SCARA3: variants seen among roughly 807,000 people sequenced by gnomAD.
The protein encoded by SCARA3 is scavenger receptor class A member 3.
Under a neutral mutation model 47.0 loss-of-function variants are expected in SCARA3, and 39 were observed. The observed-to-expected ratio is 0.83, with a 90% CI of 0.64 to 1.08. SCARA3 has a LOEUF of 1.08. Among genes scored for constraint, SCARA3 ranks in the 50% least tolerant of loss-of-function variants. The pLI is 0.00. For synonymous variants in SCARA3, 356 were observed against 334.1 expected (o/e 1.07, Z -0.71); for missense variants, 724 against 792.3 (o/e 0.91, Z 1.04).
intron 5 of SCARA3, 35 bp from the exon 6 acceptor site, chr8:27,670,865 C>G (rs200508329): frequency 1.5e-5 from 22 of 1,500,208 alleles, no homozygotes; most frequent in Admixed American, 4.7e-5. Context: ...GAGCCCCTGA[C>G]AGACTGACCT....
At chr8:27,657,415 G>T (rs1363433105) in intron 4 of SCARA3, among the ~76,000 whole-genome samples, 1 of 147,920 alleles carries the variant, frequency 6.8e-6, no homozygotes. Context: ...AAATGATCCT[G>T]TCACCCAGGT....
intron 3 of SCARA3, 121 bp from the exon 4 acceptor site, chr8:27,656,661 G>C: frequency 1.5e-6 from 1 of 685,060 alleles, no homozygotes; most frequent in Non-Finnish European, 2.6e-6. Flanking sequence ...GAAGAAGCCT[G>C]AGAGAAGAAG....
the SCARA3 span, among the ~76,000 whole-genome samples, chr8:27,716,269 C>T: frequency 0.014 from 2,088 of 152,084 alleles, 27 homozygotes; most frequent in Non-Finnish European, 0.019. Context: ...GCTGTGATTT[C>T]GCCATTGTAC....
At chr8:27,673,438 A>T (rs1057198902), downstream of SCARA3, among the ~76,000 whole-genome samples, 1 of 152,256 alleles carries the variant, frequency 6.6e-6, no homozygotes, top group African/African-American at 2.4e-5. Flanking sequence ...TCTGCGGATT[A>T]CGGAAGAGGA....
At chr8:27,648,009 C>T (rs952101125) in intron 1 of SCARA3, among the ~76,000 whole-genome samples, 1 of 152,166 alleles carries the variant, frequency 6.6e-6, no homozygotes, top group Admixed American at 6.5e-5. Flanking sequence ...CCCGAGGCTC[C>T]GCAGCTCATT....
the SCARA3 span, among the ~76,000 whole-genome samples, chr8:27,698,251 C>A: frequency 1.4e-5 from 2 of 146,446 alleles, no homozygotes; most frequent in Non-Finnish European, 1.5e-5. Context: ...TAAATTAGAA[C>A]GTAAATATTA....
At chr8:27,660,618 T>TGATGATA (rs1801880870) in intron 5 of SCARA3, among the ~76,000 whole-genome samples, 1 of 130,992 alleles carries the variant, frequency 7.6e-6, no homozygotes, top group Non-Finnish European at 1.7e-5. Flanking sequence ...TAGAGATAGA[T>TGATGATA]GATAGATAGA....
At chr8:27,694,026 A>G in the SCARA3 span, among the ~76,000 whole-genome samples, 1 of 152,210 alleles carries the variant, frequency 6.6e-6, no homozygotes, top group Non-Finnish European at 1.5e-5. Flanking sequence ...TCCTGAGGCT[A>G]TGTCACAGGT....
chr8:27,682,440 T>C, the SCARA3 span, among the ~76,000 whole-genome samples: 1 of 152,176 alleles, frequency 6.6e-6, no homozygotes, highest in Non-Finnish European at 1.5e-5. Context: ...AAAATCTGCT[T>C]ATTAATAGGT....
At chr8:27,666,069 C>T (rs149935030) in intron 5 of SCARA3, among the ~76,000 whole-genome samples, 6 of 152,304 alleles carry the variant, frequency 3.9e-5, no homozygotes, top group Non-Finnish European at 7.4e-5. Context: ...CTGTGAAGGA[C>T]GAAAAAGCAG....
rs35525002 is a variant in SCARA3 at position 27,672,542 on chromosome 8, C to T, written c.*1191C>T. ...CCGCACACGGCTCTCCTGATCACAG[C>T]TGCATGCCGACCTTGTCCCACCGGG... On this transcript the variant is annotated 3_prime_UTR_variant, in exon 6 of 6. Transcript: ENST00000301904. 663 of 985,788 alleles carry T rather than the reference C, an allele frequency of 6.7e-4. 9 individuals are homozygous for T. In the East Asian group the frequency reaches 0.023, roughly 34 times the overall value. The allele number at this position is 985,788 out of a possible 1,614,324, so 61.1% of individuals were successfully genotyped here.
intron 5 of SCARA3, among the ~76,000 whole-genome samples, chr8:27,667,050 C>T (rs548860525): frequency 3.5e-4 from 54 of 152,350 alleles, no homozygotes; most frequent in Middle Eastern, 3.4e-3. Context: ...GAAGTGCCTT[C>T]CCTCAGCTCA....
intron 5 of SCARA3, among the ~76,000 whole-genome samples, chr8:27,665,999 T>C (rs1237608849): frequency 6.6e-6 from 1 of 152,188 alleles, no homozygotes; most frequent in Non-Finnish European, 1.5e-5. Context: ...TCTGCAAATG[T>C]GTTGTTCTAT....
chr8:27,649,631 C>T, intron 1 of SCARA3, 71 bp from the exon 2 acceptor site: 5 of 1,403,118 alleles, frequency 3.6e-6, no homozygotes, highest in Non-Finnish European at 5.0e-6. Context: ...GATATGGGGA[C>T]AGGTAAATAA....
At chr8:27,721,675 AC>A in the SCARA3 span, among the ~76,000 whole-genome samples, 10 of 152,114 alleles carry the variant, frequency 6.6e-5, no homozygotes, top group African/African-American at 2.2e-4. Flanking sequence ...CCTGGAACTC[AC>A]CCTTAACTTA....
Position 27,651,539 on chromosome 8 carries a change from G to A in SCARA3, c.138G>A (p.Gln46=), listed in dbSNP as rs1410002792. The change falls in exon 3 of 6, where the codon CAG becomes CAA. Residue 46 remains glutamine, a synonymous_variant. Transcript: ENST00000301904. The part of the protein sequence containing the change: ...GRPGPRCSRC[Q]KNLSLHTSVR... ...CAGGGCCCCGCTGCAGCCGCTGCCA[G>A]AAGAACCTATCTTTGCACACATCGG... The A allele has an allele frequency of 1.2e-6, 2 of 1,613,628 alleles. No individual in the cohort carries two copies. Among genetic ancestry groups the A allele is most frequent in the East Asian group, 4.5e-5 (2 of 44,896 alleles).
At chr8:27,714,890 C>A in the SCARA3 span, among the ~76,000 whole-genome samples, 2 of 152,066 alleles carry the variant, frequency 1.3e-5, no homozygotes, top group Admixed American at 6.5e-5. Flanking sequence ...TTGACCCTCA[C>A]AACCACTCTT....
chr8:27,730,405 G>C, the SCARA3 span, among the ~76,000 whole-genome samples: 1 of 152,004 alleles, frequency 6.6e-6, no homozygotes, highest in Non-Finnish European at 1.5e-5. Flanking sequence ...CTTCCCTGTA[G>C]CTGAGCCACT....
the SCARA3 span, among the ~76,000 whole-genome samples, chr8:27,706,399 C>A: frequency 6.6e-6 from 1 of 152,056 alleles, no homozygotes; most frequent in African/African-American, 2.4e-5. Flanking sequence ...GTGATCTGCC[C>A]GCCTCGGCCT....
Sources: gnomAD v4.1 joint callset for allele counts (sites outside exome capture counted in the v4.1 genomes callset) on GRCh38, gnomAD v4.1.1 for gene constraint, MANE v1.5 for transcripts, NCBI Gene and HGNC (gene_info 2026-07-23, HGNC 2026-07-21) for gene names.